SLC9C1: variants seen among roughly 807,000 people sequenced by gnomAD.
SLC9C1 encodes sodium/hydrogen exchanger 10.
Under a neutral mutation model 140.9 loss-of-function variants are expected in SLC9C1, and 97 were observed. The observed-to-expected ratio is 0.69, with a 90% CI of 0.58 to 0.82. The LOEUF (loss-of-function observed/expected upper bound fraction) is 0.82. Ranked by LOEUF, SLC9C1 falls within the 40% of genes least tolerant of loss-of-function variation. SLC9C1 has a pLI of 0.00. For missense variants in SLC9C1, 1,340 were observed against 1,389.3 expected (o/e 0.96, Z 0.56); for synonymous variants, 440 against 442.6 (o/e 0.99, Z 0.07).
intron 20 of SLC9C1, among the ~76,000 whole-genome samples, chr3:112,187,666 C>T (rs1439763758): frequency 3.9e-5 from 6 of 152,134 alleles, no homozygotes; most frequent in Non-Finnish European, 7.4e-5. Context: ...TATAAGAACA[C>T]TTCCAAGTAA....
intron 1 of SLC9C1, among the ~76,000 whole-genome samples, chr3:112,287,651 T>A (rs1416637187): frequency 6.6e-6 from 1 of 152,160 alleles, no homozygotes; most frequent in African/African-American, 2.4e-5. Flanking sequence ...ACATCAAAGG[T>A]CTTACATTTC....
At chr3:112,167,087 A>C (rs2077154228) in intron 26 of SLC9C1, 134 bp downstream of exon 26, 7 of 894,502 alleles carry the variant, frequency 7.8e-6, no homozygotes, top group African/African-American at 1.7e-5. Flanking sequence ...TCATACATTG[A>C]ATAGCAAATA....
chr3:112,265,436 T>C (rs916370122), intron 8 of SLC9C1, among the ~76,000 whole-genome samples: 2 of 152,140 alleles, frequency 1.3e-5, no homozygotes, highest in East Asian at 3.8e-4. Context: ...GGCATGGAAT[T>C]TTATTGAAGT....
intron 28 of SLC9C1, among the ~76,000 whole-genome samples, chr3:112,148,243 C>T (rs2074860726): frequency 6.6e-6 from 1 of 152,100 alleles, no homozygotes; most frequent in African/African-American, 2.4e-5. Context: ...CATGCTTTGA[C>T]TTCCTTATCT....
At chr3:112,272,236 T>G (rs990918227) in intron 6 of SLC9C1, among the ~76,000 whole-genome samples, 4 of 152,204 alleles carry the variant, frequency 2.6e-5, no homozygotes, top group Non-Finnish European at 4.4e-5. Flanking sequence ...AGACCCCAGT[T>G]TGAAAGTTGC....
chr3:112,286,172 TAACA>T (rs35371181), intron 2 of SLC9C1, among the ~76,000 whole-genome samples: 13,132 of 152,224 alleles, frequency 0.086, 647 homozygotes, highest in East Asian at 0.21. Context: ...AAAAAGCCCA[TAACA>T]AATATTTAAC....
At chr3:112,172,257 T>G (rs1330994409) in intron 23 of SLC9C1, among the ~76,000 whole-genome samples, 1 of 152,146 alleles carries the variant, frequency 6.6e-6, no homozygotes, top group Non-Finnish European at 1.5e-5. Context: ...CTAGGAAATA[T>G]TCTATGGTTT....
At chr3:112,203,864 G>T (rs1320007934) in intron 17 of SLC9C1, among the ~76,000 whole-genome samples, 6 of 151,758 alleles carry the variant, frequency 4.0e-5, no homozygotes, top group Admixed American at 3.9e-4. Context: ...TAGTTTGCAT[G>T]GTTGTTTTGT....
intron 20 of SLC9C1, among the ~76,000 whole-genome samples, chr3:112,187,735 C>T (rs1055152330): frequency 2.0e-5 from 3 of 151,978 alleles, no homozygotes; most frequent in African/African-American, 7.2e-5. Flanking sequence ...CCTTCATTTT[C>T]CTTCTTTCCT....
At chr3:112,222,555 A>T (rs1308413837) in intron 13 of SLC9C1, among the ~76,000 whole-genome samples, 1 of 152,182 alleles carries the variant, frequency 6.6e-6, no homozygotes, top group Non-Finnish European at 1.5e-5. Flanking sequence ...GAATATCACA[A>T]GCGAAAAAGA....
chr3:112,271,958 CA>C (rs2080090057), intron 6 of SLC9C1, among the ~76,000 whole-genome samples: 1 of 152,038 alleles, frequency 6.6e-6, no homozygotes, highest in Non-Finnish European at 1.5e-5. Flanking sequence ...ATTCATGCAC[CA>C]AAAGATATTT....
chr3:112,283,119 C>T (rs4632517), intron 2 of SLC9C1, among the ~76,000 whole-genome samples: 88,200 of 151,906 alleles, frequency 0.58, 26,227 homozygotes, highest in East Asian at 0.78. Context: ...TTGTGATGAT[C>T]GTTTTGTCTA....
At position 112,169,301 on chromosome 3, in the gene SLC9C1, A is replaced by G. The variant is rs1483230755; in HGVS notation, c.2947T>C (p.Tyr983His). Reference protein sequence around the residue: ...ETCFIPKTHLYDAFEQCSPLI... With the variant: ...ETCFIPKTHLHDAFEQCSPLI... ...GGAGAGCATTGCTCAAAAGCATCAT[A>G]CAAGTGAGTTTTGGGAATAAAACAT... is the stretch of plus-strand genomic sequence containing the variant. Residue 983 changes from tyrosine (Y) to histidine (H), a missense_variant, in exon 24 of 29, where the codon TAT becomes CAT. Transcript: ENST00000305815. The G allele has an allele frequency of 3.7e-6, 6 of 1,611,366 alleles. No individual in the cohort carries two copies. In the Admixed American group the frequency reaches 6.7e-5, roughly 18 times the overall value.
intron 8 of SLC9C1, among the ~76,000 whole-genome samples, chr3:112,265,587 G>T (rs1264969722): frequency 1.3e-5 from 2 of 152,120 alleles, no homozygotes; most frequent in East Asian, 3.9e-4. Flanking sequence ...TTCATTATGT[G>T]GTTCAGGTCA....
At chr3:112,170,422 T>TTCTC (rs1421466093) in intron 23 of SLC9C1, among the ~76,000 whole-genome samples, 2 of 152,220 alleles carry the variant, frequency 1.3e-5, no homozygotes, top group Non-Finnish European at 2.9e-5. Context: ...TTTGTATGTC[T>TTCTC]TCTTTTGAGA....
At chr3:112,271,100 A>G (rs1221149840) in intron 6 of SLC9C1, among the ~76,000 whole-genome samples, 1 of 152,146 alleles carries the variant, frequency 6.6e-6, no homozygotes, top group Non-Finnish European at 1.5e-5. Context: ...GATCTTACTT[A>G]TATGTAGAAA....
chr3:112,146,523 A>C (rs1462131384), intron 28 of SLC9C1, among the ~76,000 whole-genome samples: 2 of 152,050 alleles, frequency 1.3e-5, no homozygotes, highest in Non-Finnish European at 2.9e-5. Flanking sequence ...TCTTTCATTT[A>C]TTTCAAAGTT....
intron 20 of SLC9C1, among the ~76,000 whole-genome samples, chr3:112,194,003 T>C (rs1424199375): frequency 6.6e-6 from 1 of 151,980 alleles, no homozygotes; most frequent in Non-Finnish European, 1.5e-5. Flanking sequence ...AGGGGTGCAA[T>C]AGCAACTGGT....
chr3:112,219,830 C>T (rs2078491916), intron 14 of SLC9C1, among the ~76,000 whole-genome samples: 2 of 152,146 alleles, frequency 1.3e-5, no homozygotes, highest in East Asian at 3.8e-4. Context: ...ATCCACCCAC[C>T]TCGGCCTCCT....
Sources: allele counts gnomAD v4.1 joint callset (sites outside exome capture counted in the v4.1 genomes callset), GRCh38; gene constraint gnomAD v4.1.1; transcripts MANE v1.5; gene names NCBI Gene and HGNC (gene_info 2026-07-23, HGNC 2026-07-21).